The following MDH1 variants were observed in gnomAD, a reference collection of about 807,000 sequenced individuals.
MDH1 encodes malate dehydrogenase 1.
MDH1 carries 15 observed loss-of-function variants against 38.7 expected under a neutral mutation model. The observed-to-expected ratio is 0.39, with a 90% CI of 0.26 to 0.60. The LOEUF is 0.60. Among genes scored for constraint, MDH1 ranks in the 20% least tolerant of loss-of-function variants. The pLI is 0.56. For missense variants in MDH1, 368 were observed against 405.2 expected, an observed-to-expected ratio of 0.91 and a Z score of 0.79; for synonymous variants, 144 against 143.6, an observed-to-expected ratio of 1.00 and a Z score of -0.02.
intron 3 of MDH1, among the ~76,000 whole-genome samples, chr2:63,596,698 A>G (rs754937807): frequency 2.6e-5 from 4 of 152,224 alleles, no homozygotes; most frequent in Non-Finnish European, 5.9e-5. Context: ...TTCCAGTGAA[A>G]ATGCTGAATG....
intron 3 of MDH1, among the ~76,000 whole-genome samples, chr2:63,596,580 C>T (rs986602136): frequency 8.5e-5 from 13 of 152,140 alleles, no homozygotes; most frequent in African/African-American, 2.7e-4. Context: ...CAAATAAGGA[C>T]ATGTGACTGG....
Position 63,595,496 on chromosome 2 carries a change from A to T in MDH1, c.176A>T (p.Asp59Val). 1 of 1,611,440 alleles carries T rather than the reference A, an allele frequency of 6.2e-7. No homozygotes were observed. Residue 59 changes from aspartate (D) to valine (V), a missense_variant, in exon 3 of 9, where the codon GAC becomes GTC. By Grantham distance (152) the Asp-to-Val change is radical. Transcript: ENST00000233114. ...VLDGVLMELQDCALPLLKDVI... is the reference protein window; with the variant it reads ...VLDGVLMELQVCALPLLKDVI... ...GACGGTGTCCTAATGGAACTGCAAG[A>T]CTGTGCCCTTCCCCTCCTGAAAGGT...
chr2:63,599,490 G>C (rs1216615433), intron 5 of MDH1, 198 bp downstream of exon 5: 6 of 410,998 alleles, frequency 1.5e-5, no homozygotes, highest in Non-Finnish European at 2.5e-5. Flanking sequence ...AGGACCAGAG[G>C]CTGGACTTCC....
At chr2:63,591,672 T>A (rs1047438409) in intron 1 of MDH1, among the ~76,000 whole-genome samples, 1 of 152,216 alleles carries the variant, frequency 6.6e-6, no homozygotes, top group Admixed American at 6.5e-5. Context: ...CCTTCCTTCA[T>A]TCAACAAATA....
At position 63,589,024 on chromosome 2, in the gene MDH1, T is replaced by C; in HGVS notation, c.-20T>C. ...AGGCTCATTTTGCAGTTGTTGAAAT[T>C]GTCCCCGCAGTTTTCAATCATGGTG... On this transcript the variant is annotated 5_prime_UTR_variant, in exon 1 of 9. Coordinates refer to ENST00000233114, the MANE Select transcript of MDH1 (RefSeq NM_005917.4). 1.2e-6 allele frequency: 2 copies of C among 1,614,240 alleles called. No individual in the cohort carries two copies. Among genetic ancestry groups the C allele is most frequent in the Non-Finnish European group, 1.7e-6 (2 of 1,180,036 alleles).
intron 5 of MDH1, among the ~76,000 whole-genome samples, chr2:63,601,366 T>C (rs1267403495): frequency 6.6e-6 from 1 of 152,228 alleles, no homozygotes; most frequent in Non-Finnish European, 1.5e-5. Flanking sequence ...AGAACTTGCC[T>C]GTGTATTTGC....
intron 5 of MDH1, among the ~76,000 whole-genome samples, chr2:63,602,269 A>G (rs556091912): frequency 1.3e-5 from 2 of 152,108 alleles, no homozygotes; most frequent in Non-Finnish European, 2.9e-5. Flanking sequence ...ATTAGTATGA[A>G]GACCAGTCGA....
rs765963966 is a variant in MDH1, at chr2:63,599,180, T to G, written c.386T>G (p.Val129Gly). Residue 129 changes from valine to glycine, a missense_variant, in exon 5 of 9, where the codon GTG becomes GGG. Physicochemically the swap from Val to Gly is moderately radical, Grantham distance 109 (BLOSUM62 -3). Coordinates refer to ENST00000233114, the MANE Select transcript of MDH1 (RefSeq NM_005917.4). ...TTCCATTCCTCCTAGGTTATTGTTG[T>G]GGGTAATCCAGCCAATACCAACTGC... ...YAKKSVKVIV[V>G]GNPANTNCLT... is the part of the protein sequence containing the mutation. 1 of 1,613,670 alleles carries G rather than the reference T, an allele frequency of 6.2e-7. No individual in the cohort carries two copies. Among genetic ancestry groups the G allele is most frequent in the Non-Finnish European group, 8.5e-7 (1 of 1,179,668 alleles).
intron 1 of MDH1, chr2:63,590,925 TAGGGAGTGACAGC>T (rs1709190204): frequency 6.6e-6 from 1 of 152,232 alleles, no homozygotes; most frequent in Non-Finnish European, 1.5e-5. Flanking sequence ...TTGTTGTCTG[TAGGGAGTGACAGC>T]AAAATAAACT....
intron 5 of MDH1, chr2:63,599,798 C>A (rs964880): frequency 0.8 from 122,245 of 152,176 alleles, 49,759 homozygotes; most frequent in East Asian, 0.98. Flanking sequence ...AAAATTTCCT[C>A]CTTTCACTAC....
chr2:63,594,518 G>A lies in MDH1; in HGVS notation c.34G>A (p.Ala12Thr), dbSNP rs757312912. The A allele has an allele frequency of 2.4e-5, 39 of 1,613,716 alleles. No individual in the cohort carries two copies. The highest frequency in any genetic ancestry group is 3.3e-5 in the Non-Finnish European group (39 of 1,179,816). ...SEPIRVLVTGAAGQIAYSLLY... is the reference protein window; with the variant it reads ...SEPIRVLVTGTAGQIAYSLLY... ...ACCAATCAGAGTCCTTGTGACTGGA[G>A]CAGCTGGTCAAATTGCATATTCACT... Residue 12 changes from alanine (A) to threonine (T), a missense_variant, in exon 2 of 9, where the codon GCA becomes ACA. By Grantham distance (58) the Ala-to-Thr change is moderately conservative. Coordinates refer to ENST00000233114, the MANE Select transcript of MDH1 (RefSeq NM_005917.4).
intron 3 of MDH1, among the ~76,000 whole-genome samples, chr2:63,596,336 C>T (rs1295620058): frequency 6.6e-6 from 1 of 152,162 alleles, no homozygotes; most frequent in African/African-American, 2.4e-5. Flanking sequence ...AGAAGGGATA[C>T]TCTGCCATCT....
Position 63,604,767 on chromosome 2 carries a change from T to C in MDH1, c.570T>C (p.Thr190=), listed in dbSNP as rs1248528843. Residue 190 remains threonine, a synonymous_variant, in exon 6 of 9, where the codon ACT becomes ACC. Coordinates refer to ENST00000233114, the MANE Select transcript of MDH1 (RefSeq NM_005917.4). The part of the protein sequence containing the change: ...NVIIWGNHSS[T]QYPDVNHAKV... ...TTATCTGGGGAAACCATTCCTCGAC[T>C]CAGTATCCAGATGTCAACCATGCCA... 5 of 1,614,062 alleles carry C rather than the reference T, an allele frequency of 3.1e-6. No homozygotes were observed. In the African/African-American group the frequency reaches 6.7e-5, roughly 22 times the overall value.
chr2:63,603,737 A>G (rs1709475404), intron 5 of MDH1, among the ~76,000 whole-genome samples: 1 of 148,630 alleles, frequency 6.7e-6, no homozygotes, highest in Non-Finnish European at 1.5e-5. Context: ...GGCTCACCGC[A>G]ACCTCCGCCT....
At chr2:63,597,193 G>A in intron 3 of MDH1, 1 of 807,822 alleles carries the variant, frequency 1.2e-6, no homozygotes, top group Non-Finnish European at 1.5e-6. Flanking sequence ...ATTGAAACAG[G>A]AAAAGCAAAA....
In MDH1 at chr2:63,595,218, T is replaced by C. The variant is rs550856575; in HGVS notation, c.103-205T>C. On this transcript the variant is annotated intron_variant, in intron 2 of 8. Transcript: ENST00000233114. ...TAGTGGTGATTCCTCTCACTGTGTC[T>C]GTTAGCAAACCAATGCTGGTTTTAT... Among the ~76,000 whole-genome samples the C allele has an allele frequency of 4.6e-5, 7 of 152,344 alleles. No homozygotes were observed. The South Asian group carries it at 1.5e-3, about 32-fold the overall frequency.
intron 5 of MDH1, among the ~76,000 whole-genome samples, chr2:63,602,465 A>G (rs1443476069): frequency 6.6e-6 from 1 of 151,778 alleles, no homozygotes; most frequent in Non-Finnish European, 1.5e-5. Context: ...ACCTTACATA[A>G]CTACAGAGTA....
In MDH1 at chr2:63,594,494, CCAAT is replaced by C. The variant is rs1405639137; in HGVS notation, c.13_16del (p.Ile5GlufsTer4). 1 of 1,612,108 alleles carries C rather than the reference CCAAT, an allele frequency of 6.2e-7. No individual in the cohort carries two copies. The highest frequency in any genetic ancestry group is 8.5e-7 in the Non-Finnish European group (1 of 1,178,470). On this transcript the variant is annotated frameshift_variant, in exon 2 of 9. Coordinates refer to ENST00000233114, the MANE Select transcript of MDH1 (RefSeq NM_005917.4). LOFTEE classifies it high-confidence loss of function. ...TGGGTCTTTTTCATTACAGTCTGAA[CCAAT>C]CAGAGTCCTTGTGACTGGAGCAGCT...
At chr2:63,591,777 C>T (rs186322769) in intron 1 of MDH1, among the ~76,000 whole-genome samples, 1 of 152,120 alleles carries the variant, frequency 6.6e-6, no homozygotes, top group South Asian at 2.1e-4. Context: ...AATAGAAAAC[C>T]ACAGGCTATT....
Sources: gnomAD v4.1 joint callset for allele counts (sites outside exome capture counted in the v4.1 genomes callset) on GRCh38, gnomAD v4.1.1 for gene constraint, MANE v1.5 for transcripts, NCBI Gene and HGNC (gene_info 2026-07-23, HGNC 2026-07-21) for gene names.